The following PTH2R variants were observed in gnomAD, a reference collection of about 807,000 sequenced individuals.
PTH2R encodes the protein PTH2 receptor.
PTH2R carries 59 observed loss-of-function variants against 60.3 expected under a neutral mutation model. The observed-to-expected ratio is 0.98, with a 90% CI of 0.79 to 1.22. PTH2R has a LOEUF of 1.22. Ranked by LOEUF, PTH2R falls within the 50% of genes most tolerant of loss-of-function variation. The pLI is 0.00. For missense variants in PTH2R, 749 were observed against 682.6 expected (o/e 1.10, Z -1.08); for synonymous variants, 256 against 243.8 (o/e 1.05, Z -0.47).
chr2:208,472,481 T>C (rs1022717355), intron 9 of PTH2R, among the ~76,000 whole-genome samples: 1 of 152,172 alleles, frequency 6.6e-6, no homozygotes, highest in Non-Finnish European at 1.5e-5. Flanking sequence ...GGGGTCACTT[T>C]CCTGTGCCAT....
chr2:208,461,426 C>T (rs1702633450), intron 9 of PTH2R, among the ~76,000 whole-genome samples: 1 of 151,974 alleles, frequency 6.6e-6, no homozygotes, highest in Non-Finnish European at 1.5e-5. Flanking sequence ...TATTTTCCTC[C>T]TTTCTAGTTC....
intron 1 of PTH2R, among the ~76,000 whole-genome samples, chr2:208,368,313 A>T (rs1325716944): frequency 6.6e-6 from 1 of 152,152 alleles, no homozygotes; most frequent in Non-Finnish European, 1.5e-5. Flanking sequence ...GTCAACCTAG[A>T]TATGTCCCAC....
chr2:208,412,092 C>G (rs1183295922), intron 1 of PTH2R, among the ~76,000 whole-genome samples: 1 of 152,202 alleles, frequency 6.6e-6, no homozygotes, highest in Non-Finnish European at 1.5e-5. Context: ...ACGGCTTCTT[C>G]TTCAGAACCC....
rs1050305387 is a variant in PTH2R, at chr2:208,379,998, G to A, written c.-259+19761G>A. Among the ~76,000 whole-genome samples the A allele has an allele frequency of 2.7e-4, 41 of 152,016 alleles. 1 individual carries two copies. Among genetic ancestry groups the A allele is most frequent in the African/African-American group, 9.4e-4 (39 of 41,304 alleles). On this transcript the variant is annotated intron_variant, in intron 1 of 12. Coordinates refer to the PTH2R transcript ENST00000617735. ...TTATCCAGTGGCATCTGCATTTTCCGATTTCATTCTCACTAGCCGTGTGAA... is the reference window on the plus strand; with the variant it reads ...TTATCCAGTGGCATCTGCATTTTCCAATTTCATTCTCACTAGCCGTGTGAA...
upstream of PTH2R, among the ~76,000 whole-genome samples, chr2:208,402,919 A>G (rs1176737484): frequency 1.3e-5 from 2 of 152,184 alleles, no homozygotes; most frequent in African/African-American, 4.8e-5. Flanking sequence ...AAATGTGGAA[A>G]CAGAAGACCT....
intron 5 of PTH2R, 64 bp from the exon 6 acceptor site, chr2:208,443,284 C>T (rs1702223102): frequency 3.6e-6 from 5 of 1,399,122 alleles, no homozygotes; most frequent in South Asian, 1.5e-5. Flanking sequence ...GCAGCAGTCG[C>T]ACTGGGTGTT....
chr2:208,411,189 T>G (rs1318930103), intron 1 of PTH2R, among the ~76,000 whole-genome samples: 1 of 152,180 alleles, frequency 6.6e-6, no homozygotes, highest in Non-Finnish European at 1.5e-5. Context: ...GAGGTTGCAG[T>G]GAGCTGAGAT....
intron 1 of PTH2R, among the ~76,000 whole-genome samples, chr2:208,417,995 A>G (rs1701675377): frequency 6.6e-6 from 1 of 152,200 alleles, no homozygotes; most frequent in Admixed American, 6.5e-5. Flanking sequence ...ATACTTTTAT[A>G]AGAAAGCCAT....
In PTH2R at chr2:208,493,838, T is replaced by C. The variant is rs1287347638; in HGVS notation, c.*179T>C. ...AATACTAACGACATGAAAATGCAAG[T>C]GTCAATGGAGTAGTTTATTACCTTC... is the stretch of plus-strand genomic sequence containing the variant. On this transcript the variant is annotated 3_prime_UTR_variant, in exon 13 of 13. Transcript: ENST00000272847. 4.8e-5 allele frequency: 27 copies of C among 556,872 alleles called. No homozygotes were observed. 34.5% of individuals were successfully genotyped at this position (556,872 alleles called of 1,614,324 possible).
intron 10 of PTH2R, 35 bp downstream of exon 10, chr2:208,481,199 T>C: frequency 6.9e-7 from 1 of 1,455,204 alleles, no homozygotes; most frequent in Non-Finnish European, 9.5e-7. Context: ...AGAGGAAATA[T>C]TTTGGTTACT....
chr2:208,464,106 C>A (rs541627037), intron 9 of PTH2R, among the ~76,000 whole-genome samples: 13 of 152,334 alleles, frequency 8.5e-5, no homozygotes, highest in African/African-American at 3.1e-4. Flanking sequence ...GAAGGCTTTA[C>A]TTCATAATCG....
chr2:208,424,337 G>A (rs1701814924), intron 1 of PTH2R, among the ~76,000 whole-genome samples: 2 of 152,214 alleles, frequency 1.3e-5, no homozygotes, highest in African/African-American at 2.4e-5. Flanking sequence ...TGTCAGGCAA[G>A]TGTTCTTGTA....
At chr2:208,458,881 T>G (rs542608321) in intron 8 of PTH2R, among the ~76,000 whole-genome samples, 1 of 152,280 alleles carries the variant, frequency 6.6e-6, no homozygotes, top group South Asian at 2.1e-4. Flanking sequence ...TCCATGTCTT[T>G]CTTTGCTATT....
At chr2:208,399,659 C>T (rs1701272008) in intron 1 of PTH2R, among the ~76,000 whole-genome samples, 1 of 152,100 alleles carries the variant, frequency 6.6e-6, no homozygotes, top group African/African-American at 2.4e-5. Context: ...CCCCTGGAAG[C>T]TTGTTCCTGG....
intron 1 of PTH2R, among the ~76,000 whole-genome samples, chr2:208,409,856 T>C (rs1701504111): frequency 6.6e-6 from 1 of 152,192 alleles, no homozygotes; most frequent in African/African-American, 2.4e-5. Context: ...AGTATTTTCT[T>C]TACTGTGTTA....
At chr2:208,475,315 C>G (rs778594725) in intron 9 of PTH2R, among the ~76,000 whole-genome samples, 3 of 151,910 alleles carry the variant, frequency 2.0e-5, no homozygotes, top group Non-Finnish European at 2.9e-5. Context: ...CCAGGGTCAC[C>G]TTTCTTATAG....
chr2:208,458,063 T>A (rs1702550220), intron 8 of PTH2R, among the ~76,000 whole-genome samples: 1 of 152,226 alleles, frequency 6.6e-6, no homozygotes, highest in Non-Finnish European at 1.5e-5. Flanking sequence ...TCAAGTGTTA[T>A]ATTAAAGTGC....
At chr2:208,379,836 G>A (rs981499453) in intron 1 of PTH2R, among the ~76,000 whole-genome samples, 1 of 151,610 alleles carries the variant, frequency 6.6e-6, no homozygotes, top group Non-Finnish European at 1.5e-5. Context: ...TTCCAGCCTG[G>A]GTGACACAGT....
At chr2:208,373,289 AT>A (rs1285543509) in intron 1 of PTH2R, among the ~76,000 whole-genome samples, 1 of 151,888 alleles carries the variant, frequency 6.6e-6, no homozygotes, top group African/African-American at 2.4e-5. Flanking sequence ...TATTGAAAGA[AT>A]TTTTTTCTTT....
Sources: gnomAD v4.1 joint callset for allele counts (sites outside exome capture counted in the v4.1 genomes callset) on GRCh38, gnomAD v4.1.1 for gene constraint, MANE v1.5 for transcripts, NCBI Gene and HGNC (gene_info 2026-07-23, HGNC 2026-07-21) for gene names.